Variants in CENPP observed in about 807,000 individuals in gnomAD.
The protein encoded by CENPP is centromere protein P.
A neutral mutation model predicts 35.6 loss-of-function variants in CENPP; 24 were observed. The observed-to-expected ratio is 0.67, with a 90% CI of 0.49 to 0.95. CENPP has a LOEUF of 0.95. CENPP is among the 40% of genes least tolerant of loss of function. CENPP has a pLI of 0.00. For synonymous variants in CENPP, 120 were observed against 125.5 expected (o/e 0.96, Z 0.29); for missense variants, 332 against 345.3 (o/e 0.96, Z 0.31).
At chr9:92,500,017 G>GA (rs35580016) in intron 5 of CENPP, among the ~76,000 whole-genome samples, 1 of 152,046 alleles carries the variant, frequency 6.6e-6, no homozygotes, top group Admixed American at 6.5e-5. Context: ...TCTGACTTCA[G>GA]AAAAAACTAG....
At chr9:92,541,923 A>G (rs1849327773) in intron 5 of CENPP, among the ~76,000 whole-genome samples, 1 of 152,026 alleles carries the variant, frequency 6.6e-6, no homozygotes. Flanking sequence ...CTTCATGAGT[A>G]GCTGGGATTA....
intron 5 of CENPP, among the ~76,000 whole-genome samples, chr9:92,582,491 A>G (rs866428941): frequency 6.6e-6 from 1 of 152,214 alleles, no homozygotes; most frequent in African/African-American, 2.4e-5. Context: ...TCCCAAGATA[A>G]CAAGTGTAAA....
At chr9:92,356,075 A>G (rs917252566) in intron 4 of CENPP, among the ~76,000 whole-genome samples, 5 of 152,236 alleles carry the variant, frequency 3.3e-5, no homozygotes, top group Non-Finnish European at 5.9e-5. Flanking sequence ...ATTGTCAGTC[A>G]GTATTGATTA....
At chr9:92,524,633 C>T (rs980996763) in intron 5 of CENPP, among the ~76,000 whole-genome samples, 2 of 152,200 alleles carry the variant, frequency 1.3e-5, no homozygotes, top group Non-Finnish European at 2.9e-5. Flanking sequence ...GCCTCAGGTC[C>T]ACTCACTGTC....
intron 5 of CENPP, among the ~76,000 whole-genome samples, chr9:92,568,241 C>G (rs575143281): frequency 1.5e-4 from 23 of 149,422 alleles, no homozygotes; most frequent in Non-Finnish European, 3.0e-4. Context: ...CCCCTTCCCC[C>G]CACCGCACAA....
At chr9:92,585,105 A>G (rs1479367530) in intron 5 of CENPP, among the ~76,000 whole-genome samples, 5 of 152,252 alleles carry the variant, frequency 3.3e-5, no homozygotes, top group African/African-American at 1.2e-4. Context: ...AAGAGATGGC[A>G]TTTGAGTAGA....
chr9:92,337,731 A>G (rs888788612), intron 3 of CENPP, 102 bp downstream of exon 3: 5 of 795,342 alleles, frequency 6.3e-6, no homozygotes, highest in Non-Finnish European at 1.1e-5. Context: ...AGAGGAGTTC[A>G]TGAGCCAGGG....
intron 5 of CENPP, among the ~76,000 whole-genome samples, chr9:92,606,096 AT>A (rs1851072355): frequency 6.6e-6 from 1 of 152,048 alleles, no homozygotes; most frequent in South Asian, 2.1e-4. Context: ...CCCTGTCCCT[AT>A]TAAAAAATAC....
At chr9:92,475,314 A>T (rs1459175500) in intron 5 of CENPP, among the ~76,000 whole-genome samples, 1 of 152,228 alleles carries the variant, frequency 6.6e-6, no homozygotes. Flanking sequence ...ACACTTTTAA[A>T]TATGGGATAT....
intron 3 of CENPP, among the ~76,000 whole-genome samples, chr9:92,339,488 C>A (rs1841041308): frequency 6.6e-6 from 1 of 152,100 alleles, no homozygotes; most frequent in African/African-American, 2.4e-5. Context: ...TGTCTAGACC[C>A]CCTCATTTGA....
chr9:92,440,244 C>T (rs919724409), intron 5 of CENPP, among the ~76,000 whole-genome samples: 18 of 151,850 alleles, frequency 1.2e-4, no homozygotes, highest in African/African-American at 2.4e-4. Context: ...GAATCTATAA[C>T]GGGGTGCCTA....
intron 5 of CENPP, among the ~76,000 whole-genome samples, chr9:92,472,186 G>A (rs971854226): frequency 7.9e-5 from 12 of 151,392 alleles, no homozygotes; most frequent in African/African-American, 2.9e-4. Context: ...AAGAAACCCC[G>A]TCTCTACTAA....
At chr9:92,370,467 A>G (rs1259282017) in intron 4 of CENPP, among the ~76,000 whole-genome samples, 1 of 151,732 alleles carries the variant, frequency 6.6e-6, no homozygotes, top group Non-Finnish European at 1.5e-5. Context: ...TCTATGTTAG[A>G]CTTTTTATTG....
intron 5 of CENPP, among the ~76,000 whole-genome samples, chr9:92,461,837 G>A (rs1368559968): frequency 6.6e-6 from 1 of 152,134 alleles, no homozygotes; most frequent in African/African-American, 2.4e-5. Flanking sequence ...AGCAAAACTT[G>A]ATTCATTCAA....
At position 92,618,433 on chromosome 9, in the gene CENPP, GT is replaced by G. The variant is rs1323197698; in HGVS notation, c.*5285del. 2.2e-6 allele frequency: 1 copy of G among 456,574 alleles called. No individual in the cohort carries two copies. The highest frequency in any genetic ancestry group is 4.4e-6 in the Non-Finnish European group (1 of 226,970). The allele number at this position is 456,574 out of a possible 1,614,324, so 28.3% of individuals were successfully genotyped here. A position where few individuals can be genotyped will look rare whatever the true frequency, so the allele number is the denominator to read the frequency against. ...AAGAGATTCCCAGGTGCTAGACGAG[GT>G]GAGTAACATGTCTGTCCTTCAGCGG... On this transcript the variant is annotated 3_prime_UTR_variant, in exon 8 of 8. Transcript: ENST00000375587.
At chr9:92,464,115 A>G (rs1249689152) in intron 5 of CENPP, among the ~76,000 whole-genome samples, 1 of 152,202 alleles carries the variant, frequency 6.6e-6, no homozygotes, top group Non-Finnish European at 1.5e-5. Flanking sequence ...TTTTTGGCCC[A>G]GTTAGTCATC....
chr9:92,592,662 G>A (rs1850693570), intron 5 of CENPP, among the ~76,000 whole-genome samples: 1 of 152,144 alleles, frequency 6.6e-6, no homozygotes, highest in Non-Finnish European at 1.5e-5. Flanking sequence ...ATATACATAT[G>A]CTCAGCTTTG....
At chr9:92,521,075 C>A (rs1168156889) in intron 5 of CENPP, among the ~76,000 whole-genome samples, 8 of 152,126 alleles carry the variant, frequency 5.3e-5, no homozygotes, top group Non-Finnish European at 1.2e-4. Context: ...TTGAATTGTA[C>A]ACTTTAAAAT....
Position 92,617,947 on chromosome 9 carries a change from A to G in CENPP, c.*4798A>G, listed in dbSNP as rs527558934. 32 of 308,676 alleles carry G rather than the reference A, an allele frequency of 1.0e-4. No homozygotes were observed. The highest frequency in any genetic ancestry group is 1.7e-4 in the Admixed American group (4 of 23,232). 19.1% of individuals were successfully genotyped at this position (308,676 alleles called of 1,614,324 possible). ...TTATTTTAGGGGGTGTAAGAAGTTT[A>G]AATGTGGTCAATCTATCTGTGAGCT... On this transcript the variant is annotated 3_prime_UTR_variant, in exon 8 of 8. Coordinates refer to ENST00000375587, the MANE Select transcript of CENPP (RefSeq NM_001012267.3).
Sources: allele counts gnomAD v4.1 joint callset (sites outside exome capture counted in the v4.1 genomes callset), GRCh38; gene constraint gnomAD v4.1.1; transcripts MANE v1.5; gene names NCBI Gene and HGNC (gene_info 2026-07-23, HGNC 2026-07-21).